Variants in PCSK7 observed in about 807,000 individuals in gnomAD.
PCSK7 encodes proprotein convertase subtilisin/kexin type 7, also known as lymphoma proprotein convertase.
PCSK7 carries 38 observed loss-of-function variants against 73.3 expected under a neutral mutation model. That is an observed-to-expected ratio of 0.52 (90% CI 0.40 to 0.68). PCSK7 has a LOEUF of 0.68. PCSK7 is among the 30% of genes least tolerant of loss of function. The pLI, the probability that PCSK7 is intolerant of heterozygous loss-of-function variation, is 0.00. For synonymous variants in PCSK7, 296 were observed against 383.8 expected (o/e 0.77, Z 2.68); for missense variants, 692 against 991.5 (o/e 0.70, Z 4.06).
Position 117,227,185 on chromosome 11 carries a change from C to T in PCSK7, c.741G>A (p.Val247=). Residue 247 remains valine (V), a synonymous_variant, in exon 5 of 17, where the codon GTG becomes GTA. Coordinates refer to ENST00000320934, the MANE Select transcript of PCSK7 (RefSeq NM_004716.4). The part of the protein sequence containing the change: ...AAVPNNSFCA[V]GVAYGSRIAG... Reference sequence around the variant, plus strand: ...CGATGCGGCTCCCGTAGGCCACGCCCACGGCACAGAAGCTGTTGTTGGGCA... The same window carrying T: ...CGATGCGGCTCCCGTAGGCCACGCCTACGGCACAGAAGCTGTTGTTGGGCA... 2 of 1,608,710 alleles carry T rather than the reference C, an allele frequency of 1.2e-6. No individual in the cohort carries two copies. Among genetic ancestry groups the T allele is most frequent in the African/African-American group, 1.3e-5 (1 of 74,780 alleles).
chr11:117,212,399 CTTTTCTT>C lies in PCSK7; in HGVS notation c.1535-3353_1535-3347del, dbSNP rs1454060942. The C allele has an allele frequency of 2.9e-5, 4 of 136,004 alleles. No homozygotes were observed. In the Admixed American group the frequency reaches 3.0e-4, roughly 10 times the overall value. 8.4% of individuals were successfully genotyped at this position (136,004 alleles called of 1,614,324 possible). ...AAATAATTACATCACAGTTTTTTTT[CTTTTCTT>C]TTTTTTTTTTTTTTTTTGAGACGAA... On this transcript the variant is annotated intron_variant, in intron 12 of 16. Coordinates refer to ENST00000320934, the MANE Select transcript of PCSK7 (RefSeq NM_004716.4).
At chr11:117,219,209 A>G in intron 10 of PCSK7, 45 bp from the exon 11 acceptor site, 1 of 1,351,910 alleles carries the variant, frequency 7.4e-7, no homozygotes, top group Non-Finnish European at 1.0e-6. Flanking sequence ...TTGCCAGTGT[A>G]GTCTCAACAA....
chr11:117,216,002 C>T (rs1285545064), intron 12 of PCSK7: 1 of 152,100 alleles, frequency 6.6e-6, no homozygotes, highest in African/African-American at 2.4e-5. Context: ...ACCACCACAC[C>T]TGGCTAATTT....
At chr11:117,224,276 C>A (rs2032323491) in intron 7 of PCSK7, 60 bp from the exon 8 acceptor site, 4 of 1,551,364 alleles carry the variant, frequency 2.6e-6, no homozygotes, top group Non-Finnish European at 1.8e-6. Flanking sequence ...CTCCGCCTAC[C>A]ACATCAGTCA....
At chr11:117,228,007 T>A (rs1409056457) in intron 4 of PCSK7, among the ~76,000 whole-genome samples, 1 of 152,182 alleles carries the variant, frequency 6.6e-6, no homozygotes, top group Non-Finnish European at 1.5e-5. Flanking sequence ...AGAAAAGGAC[T>A]AGAACTGAGA....
At position 117,213,976 on chromosome 11, in the gene PCSK7, T is replaced by TTTTTTTTTTTTTTTTTTTTTTTTTTTTG. The variant is rs36106425; in HGVS notation, c.1534+4489_1534+4490insCAAAAAAAAAAAAAAAAAAAAAAAAAAA. ...TTTTTCTTTTTTTTTTTTTTTTTTT[T>TTTTTTTTTTTTTTTTTTTTTTTTTTTTG]AGACGGAGTCTTGCTCGGTCACCAG... On this transcript the variant is annotated intron_variant, in intron 12 of 16. Transcript: ENST00000320934. The TTTTTTTTTTTTTTTTTTTTTTTTTTTTG allele has an allele frequency of 1.1e-4, 15 of 131,354 alleles. 1 individual carries two copies. Among genetic ancestry groups the TTTTTTTTTTTTTTTTTTTTTTTTTTTTG allele is most frequent in the Non-Finnish European group, 1.4e-4 (9 of 65,048 alleles). 8.1% of individuals were successfully genotyped at this position (131,354 alleles called of 1,614,324 possible). A position where few individuals can be genotyped will look rare whatever the true frequency, so the allele number is the denominator to read the frequency against.
rs761129566 is a variant in PCSK7, at chr11:117,216,432, A to ATTTTTTTTTTTTTTTTTTTTTTTTTTTTT, written c.1534+2033_1534+2034insAAAAAAAAAAAAAAAAAAAAAAAAAAAAA. 4.3e-5 allele frequency: 5 copies of ATTTTTTTTTTTTTTTTTTTTTTTTTTTTT among 115,822 alleles called. 2 individuals carry two copies. The highest frequency in any genetic ancestry group is 1.6e-5 in the Non-Finnish European group (1 of 60,994). The allele number at this position is 115,822 out of a possible 1,614,324, so 7.2% of individuals were successfully genotyped here. On this transcript the variant is annotated intron_variant, in intron 12 of 16. Transcript: ENST00000320934. ...CCTGGGACTGAGCTGCTCAACTCTC[A>ATTTTTTTTTTTTTTTTTTTTTTTTTTTTT]ATTTTTTTTTTTTTTTTTTTTTTTG...
At chr11:117,220,535 TG>T (rs35590772) in intron 9 of PCSK7, 39,437 of 151,878 alleles carry the variant, frequency 0.26, 5,957 homozygotes, top group East Asian at 0.52. Context: ...TGAGCCACCA[TG>T]GGGGGGCCTC....
In PCSK7 at chr11:117,219,120, G is replaced by C. The variant is rs914181970; in HGVS notation, c.1368C>G (p.Phe456Leu). The C allele has an allele frequency of 5.6e-6, 9 of 1,611,324 alleles. No individual in the cohort carries two copies. The African/African-American group carries it at 9.3e-5, about 17-fold the overall frequency. The change falls in exon 11 of 17, where the codon TTC becomes TTG. Residue 456 changes from phenylalanine to leucine, a missense_variant. Around this residue, in one of 6 missense-constraint regions of PCSK7, gnomAD observed 574 missense variants for 689.8 expected, o/e 0.83. Transcript: ENST00000320934. ...RAEWVTNEAG[F>L]SHSHQHGFGL... ...CGAAACCGTGCTGGTGGCTATGGCTGAAGCCTGCCTCGTTGGTGACCCACT... is the reference window on the plus strand; with the variant it reads ...CGAAACCGTGCTGGTGGCTATGGCTCAAGCCTGCCTCGTTGGTGACCCACT...
chr11:117,225,897 G>GGCTCTTGCCCTCTCATCTGCA (rs1565316809), intron 6 of PCSK7, 34 bp downstream of exon 6: 1 of 1,377,766 alleles, frequency 7.3e-7, no homozygotes, highest in African/African-American at 1.4e-5. Context: ...AGGTGCTCCA[G>GGCTCTTGCCCTCTCATCTGCA]GCTCTTGCCC....
intron 7 of PCSK7, 54 bp downstream of exon 7, chr11:117,224,647 G>C: frequency 4.3e-6 from 6 of 1,393,696 alleles, no homozygotes; most frequent in South Asian, 1.2e-5. Flanking sequence ...AGTTCTCCCG[G>C]GACTGTATGA....
intron 6 of PCSK7, chr11:117,225,462 C>T: frequency 5.7e-6 from 1 of 174,594 alleles, no homozygotes; most frequent in Non-Finnish European, 1.2e-5. Flanking sequence ...GGAAGTGTAC[C>T]CTGTGGATGA....
At chr11:117,225,078 C>A (rs1228365260) in intron 6 of PCSK7, 1 of 157,066 alleles carries the variant, frequency 6.4e-6, no homozygotes, top group Admixed American at 8.3e-5. Flanking sequence ...TTTTTTTCTC[C>A]TGAAACGGCG....
At position 117,223,253 on chromosome 11, in the gene PCSK7, C is replaced by A; in HGVS notation, c.1110G>T (p.Met370Ile). Residue 370 changes from methionine to isoleucine, a missense_variant, in exon 9 of 17, where the codon ATG becomes ATT. Around this residue, in one of 6 missense-constraint regions of PCSK7, gnomAD observed 574 missense variants for 689.8 expected, o/e 0.83. Transcript: ENST00000320934. Reference protein sequence around the residue: ...MPFYAEECASMLAVTFSGGDK... With the variant: ...MPFYAEECASILAVTFSGGDK... ...CCCCACCACTGAAGGTGACTGCCAG[C>A]ATGGAGGCACATTCTTCTGCATAGA... 1 of 1,613,846 alleles carries A rather than the reference C, an allele frequency of 6.2e-7. No homozygotes were observed. Among genetic ancestry groups the A allele is most frequent in the Non-Finnish European group, 8.5e-7 (1 of 1,179,748 alleles).
chr11:117,223,400 T>TG, intron 8 of PCSK7, 92 bp from the exon 9 acceptor site: 1 of 783,620 alleles, frequency 1.3e-6, no homozygotes, highest in Non-Finnish European at 2.3e-6. Flanking sequence ...GTTACCATCC[T>TG]GGGGGGCTGT....
chr11:117,218,568 T>C lies in PCSK7; in HGVS notation c.1432A>G (p.Ile478Val). 1 of 1,564,164 alleles carries C rather than the reference T, an allele frequency of 6.4e-7. No individual in the cohort carries two copies. Among genetic ancestry groups the C allele is most frequent in the Non-Finnish European group, 8.7e-7 (1 of 1,145,514 alleles). ...GCTAAGTAAGGGACAGATGTCCAGA[T>C]CTATGAAAGGAAAGGAGGGGATGGC... ...NAWRLVNAAK[I>V]WTSVPYLASY... The change falls in exon 12 of 17, where the codon ATC becomes GTC. Residue 478 changes from isoleucine (I) to valine (V), a missense_variant and splice_region_variant. Ile to Val is a conservative substitution (Grantham distance 29). Around this residue, in one of 6 missense-constraint regions of PCSK7, gnomAD observed 574 missense variants for 689.8 expected, o/e 0.83. Coordinates refer to ENST00000320934, the MANE Select transcript of PCSK7 (RefSeq NM_004716.4). This position sits in a 1 kb window ranked among gnomAD's most constrained non-coding sequence, Gnocchi z 4.0.
Position 117,218,503 on chromosome 11 carries a change from A to AATG in PCSK7, c.1496_1497insCAT (p.Ile499dup), listed in dbSNP as rs992307207. 1 of 1,610,234 alleles carries AATG rather than the reference A, an allele frequency of 6.2e-7. No homozygotes were observed. Among genetic ancestry groups the AATG allele is most frequent in the African/African-American group, 1.3e-5 (1 of 74,814 alleles). ...CCTCCAGGGAACGGGGGGACTGCGG[A>AATG]ATCGCCTTGTTTTCTTTTAACACGG... On this transcript the variant is annotated inframe_insertion, in exon 12 of 17. Transcript: ENST00000320934. The surrounding 1 kb of genome is among the most constrained non-coding windows in gnomAD (Gnocchi z 4.0).
chr11:117,204,652 T>G lies in PCSK7; in HGVS notation c.*1345A>C. ...GGGGAGAAGCGGGCTGGGGGTAGCC[T>G]GGATGTGGGCCAAGTCCACTGTCCT... On this transcript the variant is annotated 3_prime_UTR_variant, in exon 17 of 17. Transcript: ENST00000320934. The G allele has an allele frequency of 2.0e-6, 1 of 495,154 alleles. No individual in the cohort carries two copies. The highest frequency in any genetic ancestry group is 1.9e-5 in the South Asian group (1 of 51,398). 30.7% of individuals were successfully genotyped at this position (495,154 alleles called of 1,614,324 possible).
At chr11:117,210,292 C>CA (rs1335378800) in intron 12 of PCSK7, 1 of 149,372 alleles carries the variant, frequency 6.7e-6, no homozygotes, top group African/African-American at 2.5e-5. Context: ...AAAACAAAAA[C>CA]AAAAAACTAC....
Sources: gnomAD v4.1 joint callset for allele counts (sites outside exome capture counted in the v4.1 genomes callset) on GRCh38, gnomAD v4.1.1 for gene constraint, gnomAD v4.1.1 regional missense constraint, Gnocchi (gnomAD v3.1) non-coding constraint, MANE v1.5 for transcripts, NCBI Gene and HGNC (gene_info 2026-07-23, HGNC 2026-07-21) for gene names.